EFCAB8: variants seen among roughly 807,000 people sequenced by gnomAD.
The protein encoded by EFCAB8 is EF-hand calcium-binding domain-containing protein 8.
EFCAB8 carries 100 observed loss-of-function variants against 116.3 expected under a neutral mutation model. The observed-to-expected ratio is 0.86, with a 90% CI of 0.73 to 1.02. The LOEUF (loss-of-function observed/expected upper bound fraction) is 1.02. Ranked by LOEUF, EFCAB8 falls within the 50% of genes least tolerant of loss-of-function variation. The pLI is 0.00. For synonymous variants in EFCAB8, 558 were observed against 567.9 expected, an observed-to-expected ratio of 0.98 and a Z score of 0.25; for missense variants, 1,320 against 1,416.9, an observed-to-expected ratio of 0.93 and a Z score of 1.10.
In EFCAB8 at chr20:32,960,777, G is replaced by A. The variant is rs1006005704; in HGVS notation, c.3394-359G>A. ...TGCCCCTGCAGGGCCCCCCTGTCTCGGGCTGGGGAGAGGCTGGTGTGAGAT... is the reference window on the plus strand; with the variant it reads ...TGCCCCTGCAGGGCCCCCCTGTCTCAGGCTGGGGAGAGGCTGGTGTGAGAT... On this transcript the variant is annotated intron_variant, in intron 26 of 26. Coordinates refer to ENST00000400522, the MANE Select transcript of EFCAB8 (RefSeq NM_001143967.2). Among the ~76,000 whole-genome samples, 5 of 152,202 alleles carry A rather than the reference G, an allele frequency of 3.3e-5. No homozygotes were observed. The South Asian group carries it at 6.2e-4, about 19-fold the overall frequency.
Position 32,891,738 on chromosome 20 carries a change from G to T in EFCAB8, c.674-475G>T, listed in dbSNP as rs565629458. On this transcript the variant is annotated intron_variant, in intron 7 of 26. Coordinates refer to ENST00000400522, the MANE Select transcript of EFCAB8 (RefSeq NM_001143967.2). ...GTAGAGAGGCAGAGGAGGGCGAGAG[G>T]CTGCCGTTCAGATGCGGGAGACAAC... Among the ~76,000 whole-genome samples the T allele has an allele frequency of 4.6e-5, 7 of 152,354 alleles. No individual in the cohort carries two copies. The East Asian group carries it at 1.3e-3, about 29-fold the overall frequency.
chr20:32,864,606 A>C (rs1047053579), intron 2 of EFCAB8, among the ~76,000 whole-genome samples: 10 of 151,976 alleles, frequency 6.6e-5, no homozygotes, highest in African/African-American at 2.4e-4. Flanking sequence ...AAAAAGCTAC[A>C]TGAGTCAAAT....
intron 20 of EFCAB8, among the ~76,000 whole-genome samples, 163 bp from the exon 21 acceptor site, chr20:32,930,235 C>T (rs1987842239): frequency 6.6e-6 from 1 of 152,202 alleles, no homozygotes; most frequent in Non-Finnish European, 1.5e-5. Flanking sequence ...TATGACGTTC[C>T]TTGTCACCAG....
intron 20 of EFCAB8, among the ~76,000 whole-genome samples, chr20:32,922,801 G>A (rs972841178): frequency 8.0e-5 from 12 of 149,806 alleles, no homozygotes; most frequent in African/African-American, 2.4e-4. Context: ...TGGAATGTTC[G>A]AGAATGAGTA....
chr20:32,906,628 G>A lies in EFCAB8; in HGVS notation c.1155G>A (p.Leu385=), dbSNP rs1169681885. 8.4e-6 allele frequency: 6 copies of A among 718,160 alleles called. No homozygotes were observed. The highest frequency in any genetic ancestry group is 5.2e-5 in the African/African-American group (3 of 57,254). The allele number at this position is 718,160 out of a possible 1,614,324, so 44.5% of individuals were successfully genotyped here. A position where few individuals can be genotyped will look rare whatever the true frequency, so the allele number is the denominator to read the frequency against. Residue 385 remains leucine (L), a splice_region_variant and synonymous_variant, in exon 12 of 27, where the codon CTG becomes CTA. Coordinates refer to ENST00000400522, the MANE Select transcript of EFCAB8 (RefSeq NM_001143967.2). ...CFDYCPDRNF[L]VTGGYDAFIR... ...ATTACTGCCCAGACAGGAACTTCCT[G>A]GGTAAGTCACCTTCATGTCACCCAG...
chr20:32,893,043 G>A lies in EFCAB8; in HGVS notation c.759-131G>A, dbSNP rs568674290. 1.0e-4 allele frequency: 108 copies of A among 1,084,344 alleles called. No homozygotes were observed. In the African/African-American group the frequency reaches 1.4e-3, roughly 14 times the overall value. 67.2% of individuals were successfully genotyped at this position (1,084,344 alleles called of 1,614,324 possible). A position where few individuals can be genotyped will look rare whatever the true frequency, so the allele number is the denominator to read the frequency against. On this transcript the variant is annotated intron_variant, in intron 8 of 26. Transcript: ENST00000400522. ...TTTAGTAGAGATGAGGTTTCACCACGTTGGCCAGGCTGGTCTCGAACTCCT... is the reference window on the plus strand; with the variant it reads ...TTTAGTAGAGATGAGGTTTCACCACATTGGCCAGGCTGGTCTCGAACTCCT...
intron 22 of EFCAB8, among the ~76,000 whole-genome samples, chr20:32,939,288 T>A (rs563104847): frequency 1.6e-4 from 22 of 138,998 alleles, no homozygotes; most frequent in Admixed American, 6.4e-4. Flanking sequence ...TTTTTTTTTT[T>A]GTTTTTTGTT....
chr20:32,922,271 G>A (rs1033052598), intron 20 of EFCAB8, among the ~76,000 whole-genome samples: 16 of 152,156 alleles, frequency 1.1e-4, no homozygotes, highest in Non-Finnish European at 7.3e-5. Flanking sequence ...ATTCTTGCAC[G>A]TACATTTCTG....
chr20:32,917,183 C>T lies in EFCAB8; in HGVS notation c.1857-118C>T, dbSNP rs1987226881. Reference sequence around the variant, plus strand: ...ACATGGCTTCAGCCCAGCTCCGACACCTGAGAGTATCCTCCTCTGAGTCGG... The same window carrying T: ...ACATGGCTTCAGCCCAGCTCCGACATCTGAGAGTATCCTCCTCTGAGTCGG... On this transcript the variant is annotated intron_variant, in intron 17 of 26. Coordinates refer to ENST00000400522, the MANE Select transcript of EFCAB8 (RefSeq NM_001143967.2). The T allele has an allele frequency of 5.8e-5, 45 of 776,094 alleles. 1 individual carries two copies. The South Asian group carries it at 8.1e-4, about 14-fold the overall frequency. The allele number at this position is 776,094 out of a possible 1,614,324, so 48.1% of individuals were successfully genotyped here. A position where few individuals can be genotyped will look rare whatever the true frequency, so the allele number is the denominator to read the frequency against.
chr20:32,878,943 T>C (rs1985161162), intron 5 of EFCAB8, 136 bp downstream of exon 5: 3 of 700,918 alleles, frequency 4.3e-6, no homozygotes, highest in South Asian at 1.8e-5. Context: ...CTGCCTGATG[T>C]CCTTTGGCTC....
At chr20:32,869,834 A>G (rs1444308817) in intron 3 of EFCAB8, among the ~76,000 whole-genome samples, 3 of 152,154 alleles carry the variant, frequency 2.0e-5, no homozygotes, top group African/African-American at 7.2e-5. Context: ...TTGCTACATA[A>G]TCTTCCAAGT....
Position 32,931,295 on chromosome 20 carries a change from G to T in EFCAB8, c.2749G>T (p.Gly917Trp). 1.9e-6 allele frequency: 3 copies of T among 1,551,294 alleles called. No homozygotes were observed. The highest frequency in any genetic ancestry group is 2.6e-6 in the Non-Finnish European group (3 of 1,146,744). ...CCGGTTGTTAATTCCTCAGCAACTT[G>T]GGACCAACTTCCCACACTACATTCC... ...KFRLLIPQQL[G>W]TNFPHYIPLE... Residue 917 changes from glycine to tryptophan, a missense_variant, in exon 22 of 27, where the codon GGG (glycine) becomes TGG (tryptophan). Gly to Trp is a radical substitution (Grantham distance 184). Coordinates refer to ENST00000400522, the MANE Select transcript of EFCAB8 (RefSeq NM_001143967.2).
rs563107081 is a variant in EFCAB8 at position 32,885,057 on chromosome 20, C to G, written c.432-448C>G. Among the ~76,000 whole-genome samples, 91 of 152,346 alleles carry G rather than the reference C, an allele frequency of 6.0e-4. No individual in the cohort carries two copies. In the South Asian group the frequency reaches 0.018, roughly 30 times the overall value. On this transcript the variant is annotated intron_variant, in intron 5 of 26. Coordinates refer to ENST00000400522, the MANE Select transcript of EFCAB8 (RefSeq NM_001143967.2). ...TTTCATCCTTCGGTTCTGTTCCCCC[C>G]TCTACCCCAGAGCACTAGAGCAGTT... is the stretch of plus-strand genomic sequence containing the variant.
Position 32,895,063 on chromosome 20 carries a change from G to T in EFCAB8, c.884-1391G>T, listed in dbSNP as rs1041276453. Among the ~76,000 whole-genome samples, 4 of 152,210 alleles carry T rather than the reference G, an allele frequency of 2.6e-5. No individual in the cohort carries two copies. The South Asian group carries it at 8.3e-4, about 31-fold the overall frequency. On this transcript the variant is annotated intron_variant, in intron 9 of 26. Transcript: ENST00000400522. ...GCTGTCTCTTCCCTCCTCCATCCCTGGGAGGGAACCTGAGCCTAGACTGCC... is the reference window on the plus strand; with the variant it reads ...GCTGTCTCTTCCCTCCTCCATCCCTTGGAGGGAACCTGAGCCTAGACTGCC...
chr20:32,960,867 C>T (rs1453753037), intron 26 of EFCAB8, among the ~76,000 whole-genome samples: 5 of 152,256 alleles, frequency 3.3e-5, no homozygotes, highest in African/African-American at 1.2e-4. Flanking sequence ...GCCTCATTCT[C>T]AGAAGCGGGC....
chr20:32,906,397 G>A (rs1054371066), intron 11 of EFCAB8, among the ~76,000 whole-genome samples, 165 bp from the exon 12 acceptor site: 2 of 152,074 alleles, frequency 1.3e-5, no homozygotes, highest in Non-Finnish European at 2.9e-5. Context: ...TGAACCCTGG[G>A]TGGTCTCTGG....
At chr20:32,907,796 C>G (rs66909366) in intron 13 of EFCAB8, among the ~76,000 whole-genome samples, 47,298 of 152,042 alleles carry the variant, frequency 0.31, 9,080 homozygotes, top group Middle Eastern at 0.46. Flanking sequence ...TCCAAGAAGT[C>G]AGGGTCTTGG....
At chr20:32,958,327 G>A in intron 23 of EFCAB8, 94 bp from the exon 24 acceptor site, 1 of 409,998 alleles carries the variant, frequency 2.4e-6, no homozygotes, top group Non-Finnish European at 4.5e-6. Context: ...GATAGGGGCT[G>A]CTAGCTGACC....
intron 9 of EFCAB8, among the ~76,000 whole-genome samples, chr20:32,894,944 G>GACTT (rs1415241689): frequency 6.6e-6 from 1 of 152,222 alleles, no homozygotes; most frequent in Admixed American, 6.5e-5. Flanking sequence ...CCCTCCCTGG[G>GACTT]ACTTACTTTG....
Sources: allele counts gnomAD v4.1 joint callset (sites outside exome capture counted in the v4.1 genomes callset), GRCh38; gene constraint gnomAD v4.1.1; transcripts MANE v1.5; gene names NCBI Gene and HGNC (gene_info 2026-07-23, HGNC 2026-07-21).